CDK14: variants seen among roughly 807,000 people sequenced by gnomAD.
CDK14 encodes the protein cyclin dependent kinase 14.
CDK14 carries 34 observed loss-of-function variants against 60.7 expected under a neutral mutation model. That is an observed-to-expected ratio of 0.56 (90% confidence interval 0.43 to 0.75). The LOEUF (loss-of-function observed/expected upper bound fraction) is 0.75. Ranked by LOEUF, CDK14 falls within the 30% of genes least tolerant of loss-of-function variation. The pLI, the probability that CDK14 is intolerant of heterozygous loss-of-function variation, is 0.00. For missense variants in CDK14, 482 were observed against 564.1 expected (o/e 0.85, Z 1.47); for synonymous variants, 197 against 203.7 (o/e 0.97, Z 0.28).
Position 90,875,105 on chromosome 7 carries a change from A to G in CDK14, c.639+11836A>G, listed in dbSNP as rs187216586. Among the ~76,000 whole-genome samples the G allele has an allele frequency of 2.6e-5, 4 of 152,308 alleles. No homozygotes were observed. In the East Asian group the frequency reaches 7.7e-4, roughly 29 times the overall value. ...TGACATCTCATATAAATGGAATCATAATAATATGTGACCCTTTGTCATTGT... is the reference window on the plus strand; with the variant it reads ...TGACATCTCATATAAATGGAATCATGATAATATGTGACCCTTTGTCATTGT... On this transcript the variant is annotated intron_variant, in intron 6 of 14. Coordinates refer to ENST00000380050, the MANE Select transcript of CDK14 (RefSeq NM_001287135.2).
At chr7:90,873,081 A>G (rs1456995150) in intron 6 of CDK14, among the ~76,000 whole-genome samples, 4 of 152,186 alleles carry the variant, frequency 2.6e-5, no homozygotes, top group Admixed American at 6.5e-5. Flanking sequence ...AATTATGGCC[A>G]TATGTCTTAA....
chr7:90,809,193 T>G (rs1788989290), intron 5 of CDK14, among the ~76,000 whole-genome samples: 1 of 152,150 alleles, frequency 6.6e-6, no homozygotes, highest in Non-Finnish European at 1.5e-5. Context: ...ACACCACACC[T>G]ATTCCAAAAT....
chr7:90,973,335 A>G (rs17400881), intron 9 of CDK14, among the ~76,000 whole-genome samples: 17,197 of 152,192 alleles, frequency 0.11, 1,151 homozygotes, highest in Middle Eastern at 0.26. Context: ...CACATATGGC[A>G]GTGCACGGGC....
intron 2 of CDK14, among the ~76,000 whole-genome samples, chr7:90,664,966 G>A (rs571435443): frequency 6.6e-6 from 1 of 152,048 alleles, no homozygotes; most frequent in East Asian, 1.9e-4. Flanking sequence ...AAGAAATCAT[G>A]TTTTTGCTAA....
chr7:91,014,038 A>C (rs960435670), intron 10 of CDK14, among the ~76,000 whole-genome samples: 1 of 152,078 alleles, frequency 6.6e-6, no homozygotes, highest in Non-Finnish European at 1.5e-5. Flanking sequence ...ATTAGTTGTC[A>C]AGGTATTAGA....
chr7:90,669,878 T>C (rs1435256371), intron 2 of CDK14, among the ~76,000 whole-genome samples: 1 of 152,148 alleles, frequency 6.6e-6, no homozygotes, highest in Non-Finnish European at 1.5e-5. Flanking sequence ...TGATATAGAA[T>C]AGATTGACAG....
At chr7:91,090,530 C>T (rs910803071) in intron 12 of CDK14, among the ~76,000 whole-genome samples, 1 of 152,014 alleles carries the variant, frequency 6.6e-6, no homozygotes, top group African/African-American at 2.4e-5. Context: ...TACCAAATTG[C>T]GTGGTGCAAG....
chr7:91,175,478 T>G (rs1801701687), intron 14 of CDK14, among the ~76,000 whole-genome samples: 1 of 151,898 alleles, frequency 6.6e-6, no homozygotes, highest in African/African-American at 2.4e-5. Flanking sequence ...TAAATGTAAA[T>G]GGACTAAATG....
intron 2 of CDK14, among the ~76,000 whole-genome samples, chr7:90,649,358 TTCCTTCCTTTCCTTCC>T (rs1554427194): frequency 8.1e-4 from 33 of 40,770 alleles, no homozygotes; most frequent in South Asian, 9.7e-4. Flanking sequence ...CCTTCCTTCC[TTCCTTCCTTTCCTTCC>T]TTCCTTCCTT....
At position 90,784,540 on chromosome 7, in the gene CDK14, CTA is replaced by C. The variant is rs758796325; in HGVS notation, c.465-6031_465-6030del. 5.9e-4 allele frequency among the ~76,000 whole-genome samples: 90 copies of C among 152,252 alleles called. 1 individual carries two copies. The highest frequency in any genetic ancestry group is 1.2e-3 in the South Asian group (6 of 4,824). ...ATATGTACCCTGTAAATATGTACAA[CTA>C]TTATGTATCCATAAGTTTTTTTAAA... On this transcript the variant is annotated intron_variant, in intron 4 of 14. Coordinates refer to ENST00000380050, the MANE Select transcript of CDK14 (RefSeq NM_001287135.2).
At chr7:90,779,549 A>C (rs530582422) in intron 4 of CDK14, among the ~76,000 whole-genome samples, 1 of 152,176 alleles carries the variant, frequency 6.6e-6, no homozygotes, top group Non-Finnish European at 1.5e-5. Context: ...ATTTTCCCTT[A>C]TCACATTTAT....
chr7:90,793,276 A>T (rs1805908123), intron 5 of CDK14, among the ~76,000 whole-genome samples: 2 of 152,252 alleles, frequency 1.3e-5, no homozygotes. Context: ...CCTGCCTTGC[A>T]GGTGGGAGGT....
At chr7:90,726,325 A>T (rs1387047707) in intron 2 of CDK14, 1 of 982,304 alleles carries the variant, frequency 1.0e-6, no homozygotes, top group Non-Finnish European at 1.2e-6. Flanking sequence ...CCTGGGCCTT[A>T]AGTTTCTCAT....
intron 12 of CDK14, among the ~76,000 whole-genome samples, chr7:91,082,021 G>A (rs1006193132): frequency 2.0e-5 from 3 of 152,096 alleles, no homozygotes; most frequent in African/African-American, 4.8e-5. Flanking sequence ...ATAAAAACAT[G>A]TACTGTTTTC....
At chr7:90,989,136 G>A (rs189422996) in intron 10 of CDK14, among the ~76,000 whole-genome samples, 7 of 152,030 alleles carry the variant, frequency 4.6e-5, no homozygotes, top group African/African-American at 1.4e-4. Flanking sequence ...TGGAGGTATA[G>A]TTTGCAGATT....
intron 8 of CDK14, among the ~76,000 whole-genome samples, chr7:90,920,534 C>T (rs186807888): frequency 2.0e-5 from 3 of 152,238 alleles, no homozygotes; most frequent in Non-Finnish European, 2.9e-5. Context: ...AGAATCTTGC[C>T]CAGGCTTGGA....
Position 90,822,039 on chromosome 7 carries a change from A to G in CDK14, c.544+31387A>G, listed in dbSNP as rs545247429. Among the ~76,000 whole-genome samples the G allele has an allele frequency of 7.2e-5, 11 of 152,298 alleles. No homozygotes were observed. The South Asian group carries it at 1.9e-3, about 26-fold the overall frequency. ...TGCGGGTGAATCAATCCTGCTTATT[A>G]TTAATACTGTGTAATTCTATTATTC... On this transcript the variant is annotated intron_variant, in intron 5 of 14. Transcript: ENST00000380050.
intron 2 of CDK14, among the ~76,000 whole-genome samples, chr7:90,628,206 C>T: frequency 6.6e-6 from 1 of 152,160 alleles, no homozygotes; most frequent in Admixed American, 6.6e-5. Flanking sequence ...ATCTACCTGC[C>T]TTAGCCTCCC....
At position 90,838,039 on chromosome 7, in the gene CDK14, C is replaced by T. The variant is rs1006925637; in HGVS notation, c.545-25136C>T. On this transcript the variant is annotated intron_variant, in intron 5 of 14. Coordinates refer to ENST00000380050, the MANE Select transcript of CDK14 (RefSeq NM_001287135.2). ...CTCACCAAAGTTCCCTCTGCTGCAACGGGTATGACGGTGGTCGAGTGTTGC... is the reference window on the plus strand; with the variant it reads ...CTCACCAAAGTTCCCTCTGCTGCAATGGGTATGACGGTGGTCGAGTGTTGC... Among the ~76,000 whole-genome samples, 26 of 152,080 alleles carry T rather than the reference C, an allele frequency of 1.7e-4. No homozygotes were observed. In the East Asian group the frequency reaches 1.7e-3, roughly 10 times the overall value.
Sources: gnomAD v4.1 joint callset for allele counts (sites outside exome capture counted in the v4.1 genomes callset) on GRCh38, gnomAD v4.1.1 for gene constraint, MANE v1.5 for transcripts, NCBI Gene and HGNC (gene_info 2026-07-23, HGNC 2026-07-21) for gene names.